The following HFE variants were observed in gnomAD, a reference collection of about 807,000 sequenced individuals.
The protein encoded by HFE is hereditary hemochromatosis protein.
Under a neutral mutation model 40.9 loss-of-function variants are expected in HFE, and 36 were observed. The observed-to-expected ratio is 0.88, with a 90% CI of 0.67 to 1.16. The LOEUF is 1.16. HFE is among the 50% of genes most tolerant of loss of function. The pLI, the probability that HFE is intolerant of heterozygous loss-of-function variation, is 0.00. For missense variants in HFE, 376 were observed against 432.0 expected (o/e 0.87, Z 1.15); for synonymous variants, 157 against 165.4 (o/e 0.95, Z 0.39).
At chr6:26,091,146 C>A (rs1407655186) in intron 2 of HFE, 42 bp downstream of exon 2, 2 of 1,611,022 alleles carry the variant, frequency 1.2e-6, no homozygotes, top group Non-Finnish European at 8.5e-7. Flanking sequence ...GTTGTCAGAG[C>A]TTTTCATCTT....
chr6:26,095,621 C>G lies in HFE; in HGVS notation c.*1395C>G, dbSNP rs1327978218. 1 of 152,150 alleles carries G rather than the reference C, an allele frequency of 6.6e-6. No homozygotes were observed. The highest frequency in any genetic ancestry group is 1.5e-5 in the Non-Finnish European group (1 of 68,026). 9.4% of individuals were successfully genotyped at this position (152,150 alleles called of 1,614,324 possible). ...ACCGTTTGATACATCTCAGACACCA[C>G]TACATTCAGTAGTTTAGATGCCTAG... On this transcript the variant is annotated 3_prime_UTR_variant, in exon 6 of 6. Transcript: ENST00000357618.
At position 26,091,312 on chromosome 6, in the gene HFE, A is replaced by C; in HGVS notation, c.341-2A>C. The stretch of plus-strand genomic sequence containing the variant: ...AGTTAACAAGGCTGGGGATTTTTCC[A>C]GAGTCCCACACCCTGCAGGTCATCC... On this transcript the variant is annotated splice_acceptor_variant, in intron 2 of 5. Coordinates refer to ENST00000357618, the MANE Select transcript of HFE (RefSeq NM_000410.4). LOFTEE classifies it high-confidence loss of function. The C allele has an allele frequency of 6.2e-7, 1 of 1,614,164 alleles. No homozygotes were observed. The highest frequency in any genetic ancestry group is 8.5e-7 in the Non-Finnish European group (1 of 1,180,026).
rs1762372684 is a variant in HFE at position 26,087,616 on chromosome 6, C to G, written c.76+100C>G. 7.1e-6 allele frequency: 7 copies of G among 987,384 alleles called. No homozygotes were observed. In the South Asian group the frequency reaches 8.8e-5, roughly 12 times the overall value. The allele number at this position is 987,384 out of a possible 1,614,324, so 61.2% of individuals were successfully genotyped here. A position where few individuals can be genotyped will look rare whatever the true frequency, so the allele number is the denominator to read the frequency against. On this transcript the variant is annotated intron_variant, in intron 1 of 5. Coordinates refer to ENST00000357618, the MANE Select transcript of HFE (RefSeq NM_000410.4). ...TTGGGAGTTTGCTAACTTTGGAGGA[C>G]CTGCTCAACCCTATCCGCAAGCCCC...
chr6:26,091,282 G>C (rs1482262506), intron 2 of HFE, 32 bp from the exon 3 acceptor site: 1 of 1,614,056 alleles, frequency 6.2e-7, no homozygotes, highest in Non-Finnish European at 8.5e-7. Context: ...TATTCCTTTG[G>C]TTGCAGTTAA....
rs776104762 is a variant in HFE, at chr6:26,092,632, C to T, written c.617-53C>T. ...AGAAGGAAGTGAAAGTTCCAGTCTTCCTGGCAAGGGTAAACAGATCCCCTC... is the reference window on the plus strand; with the variant it reads ...AGAAGGAAGTGAAAGTTCCAGTCTTTCTGGCAAGGGTAAACAGATCCCCTC... On this transcript the variant is annotated intron_variant, in intron 3 of 5. Coordinates refer to ENST00000357618, the MANE Select transcript of HFE (RefSeq NM_000410.4). 2.5e-6 allele frequency: 4 copies of T among 1,613,928 alleles called. No homozygotes were observed. The African/African-American group carries it at 4.0e-5, about 16-fold the overall frequency.
At position 26,096,566 on chromosome 6, in the gene HFE, C is replaced by T. The variant is rs1214228675; in HGVS notation, c.*2340C>T. The T allele has an allele frequency of 4.4e-6, 2 of 456,400 alleles. No homozygotes were observed. The highest frequency in any genetic ancestry group is 8.8e-6 in the Non-Finnish European group (2 of 226,800). The allele number at this position is 456,400 out of a possible 1,614,324, so 28.3% of individuals were successfully genotyped here. ...GTGCTTCAGGATACCATATACAGCTCAGAAGTTTCTTCTTTAGGCATTAAA... is the reference window on the plus strand; with the variant it reads ...GTGCTTCAGGATACCATATACAGCTTAGAAGTTTCTTCTTTAGGCATTAAA... On this transcript the variant is annotated 3_prime_UTR_variant, in exon 6 of 6. Coordinates refer to ENST00000357618, the MANE Select transcript of HFE (RefSeq NM_000410.4).
Position 26,092,795 on chromosome 6 carries a change from A to G in HFE, c.727A>G (p.Lys243Glu), listed in dbSNP as rs767897445. 9.3e-6 allele frequency: 15 copies of G among 1,614,032 alleles called. No individual in the cohort carries two copies. The highest frequency in any genetic ancestry group is 2.7e-5 in the African/African-American group (2 of 74,938). ...QNITMKWLKD[K>E]QPMDAKEFEP... ...CATCACCATGAAGTGGCTGAAGGAT[A>G]AGCAGCCAATGGATGCCAAGGAGTT... The change falls in exon 4 of 6, where the codon AAG becomes GAG. Residue 243 changes from lysine (K) to glutamate (E), a missense_variant. This residue lies in a region of HFE where 173 missense variants were observed against 186.9 expected (regional missense o/e 0.93). Coordinates refer to ENST00000357618, the MANE Select transcript of HFE (RefSeq NM_000410.4).
In HFE at chr6:26,090,739, A is replaced by C. The variant is rs570212174; in HGVS notation, c.77-102A>C. ...GCAACTCACCCTTCACAAAATGAGG[A>C]CCAGACACAGCTGATGGTATGAGTT... On this transcript the variant is annotated intron_variant, in intron 1 of 5. Transcript: ENST00000357618. The C allele has an allele frequency of 2.1e-4, 262 of 1,228,012 alleles. 6 individuals carry two copies. The South Asian group carries it at 3.1e-3, about 14-fold the overall frequency. 76.1% of individuals were successfully genotyped at this position (1,228,012 alleles called of 1,614,324 possible).
In HFE at chr6:26,091,501, C is replaced by T. The variant is rs779438836; in HGVS notation, c.528C>T (p.Ala176=). The change falls in exon 3 of 6, where the codon GCC becomes GCT. Residue 176 remains alanine, a synonymous_variant. Coordinates refer to ENST00000357618, the MANE Select transcript of HFE (RefSeq NM_000410.4). ...KLEWERHKIR[A]RQNRAYLERD... is the part of the protein sequence containing the mutation. ...AGTGGGAAAGGCACAAGATTCGGGCCAGGCAGAACAGGGCCTACCTGGAGA... is the reference window on the plus strand; with the variant it reads ...AGTGGGAAAGGCACAAGATTCGGGCTAGGCAGAACAGGGCCTACCTGGAGA... 6.2e-7 allele frequency: 1 copy of T among 1,614,008 alleles called. No individual in the cohort carries two copies. Among genetic ancestry groups the T allele is most frequent in the Non-Finnish European group, 8.5e-7 (1 of 1,180,018 alleles).
In HFE at chr6:26,092,809, T is replaced by C. The variant is rs1243157617; in HGVS notation, c.741T>C (p.Asp247=). ...MKWLKDKQPM[D]AKEFEPKDVL... ...GGCTGAAGGATAAGCAGCCAATGGA[T>C]GCCAAGGAGTTCGAACCTAAAGACG... Residue 247 remains aspartate, a synonymous_variant, in exon 4 of 6, where the codon GAT becomes GAC. Coordinates refer to ENST00000357618, the MANE Select transcript of HFE (RefSeq NM_000410.4). 1.2e-6 allele frequency: 2 copies of C among 1,614,210 alleles called. No individual in the cohort carries two copies. Among genetic ancestry groups the C allele is most frequent in the Admixed American group, 3.3e-5 (2 of 60,028 alleles).
intron 3 of HFE, 139 bp from the exon 4 acceptor site, chr6:26,092,546 A>C: frequency 1.3e-6 from 2 of 1,489,450 alleles, no homozygotes; most frequent in Non-Finnish European, 9.2e-7. Context: ...TAGGACACAA[A>C]ATGGTGTCTC....
Position 26,091,474 on chromosome 6 carries a change from G to A in HFE, c.501G>A (p.Leu167=). Residue 167 remains leucine (L), a synonymous_variant, in exon 3 of 6, where the codon CTG becomes CTA. Transcript: ENST00000357618. Reference sequence around the variant, plus strand: ...AACCCAGGGCCTGGCCCACCAAGCTGGAGTGGGAAAGGCACAAGATTCGGG... The same window carrying A: ...AACCCAGGGCCTGGCCCACCAAGCTAGAGTGGGAAAGGCACAAGATTCGGG... ...AAEPRAWPTK[L]EWERHKIRAR... The A allele has an allele frequency of 6.2e-7, 1 of 1,614,174 alleles. No individual in the cohort carries two copies. The highest frequency in any genetic ancestry group is 8.5e-7 in the Non-Finnish European group (1 of 1,180,030).
intron 1 of HFE, among the ~76,000 whole-genome samples, chr6:26,088,004 G>A (rs923084368): frequency 6.6e-6 from 1 of 152,200 alleles, no homozygotes; most frequent in African/African-American, 2.4e-5. Flanking sequence ...GAACGAATGC[G>A]TTGGGCGGTG....
At chr6:26,092,044 C>G (rs928241629) in intron 3 of HFE, among the ~76,000 whole-genome samples, 1 of 151,676 alleles carries the variant, frequency 6.6e-6, no homozygotes, top group Admixed American at 6.6e-5. Context: ...CACAGTCATG[C>G]GCACCTGTAG....
intron 1 of HFE, among the ~76,000 whole-genome samples, chr6:26,089,341 G>A (rs1185984698): frequency 6.6e-6 from 1 of 152,146 alleles, no homozygotes; most frequent in African/African-American, 2.4e-5. Flanking sequence ...CAAGAAGTAG[G>A]TAATGGGCTC....
At position 26,091,314 on chromosome 6, in the gene HFE, A is replaced by G. The variant is rs894796712; in HGVS notation, c.341A>G (p.Glu114Gly). ...TIMENHNHSKESHTLQVILGC... is the reference protein window; with the variant it reads ...TIMENHNHSKGSHTLQVILGC... ...TTAACAAGGCTGGGGATTTTTCCAGAGTCCCACACCCTGCAGGTCATCCTG... is the reference window on the plus strand; with the variant it reads ...TTAACAAGGCTGGGGATTTTTCCAGGGTCCCACACCCTGCAGGTCATCCTG... Residue 114 changes from glutamate to glycine, a missense_variant and splice_region_variant, in exon 3 of 6, where the codon GAG (glutamate) becomes GGG (glycine). Physicochemically the swap from Glu to Gly is moderately conservative, Grantham distance 98. Coordinates refer to ENST00000357618, the MANE Select transcript of HFE (RefSeq NM_000410.4). 6.2e-7 allele frequency: 1 copy of G among 1,614,186 alleles called. No homozygotes were observed. Among genetic ancestry groups the G allele is most frequent in the African/African-American group, 1.3e-5 (1 of 75,054 alleles).
chr6:26,091,596 T>C lies in HFE; in HGVS notation c.616+7T>C. Reference sequence around the variant, plus strand: ...GGTGTTTTGGACCAACAAGGTATGGTGGAAACACACTTCTGCCCCTATACT... The same window carrying C: ...GGTGTTTTGGACCAACAAGGTATGGCGGAAACACACTTCTGCCCCTATACT... On this transcript the variant is annotated splice_region_variant and intron_variant, in intron 3 of 5. Transcript: ENST00000357618. 6.2e-7 allele frequency: 1 copy of C among 1,612,298 alleles called. No homozygotes were observed. Among genetic ancestry groups the C allele is most frequent in the Non-Finnish European group, 8.5e-7 (1 of 1,179,786 alleles).
At chr6:26,090,456 A>AAAAAAAC (rs1762610037) in intron 1 of HFE, among the ~76,000 whole-genome samples, 3 of 150,576 alleles carry the variant, frequency 2.0e-5, no homozygotes, top group Admixed American at 1.3e-4. Context: ...AAAAAAAAAA[A>AAAAAAAC]AAAAAAAAAA....
In HFE at chr6:26,094,380, C is replaced by T; in HGVS notation, c.*154C>T. The T allele has an allele frequency of 1.3e-6, 1 of 760,376 alleles. No homozygotes were observed. Among genetic ancestry groups the T allele is most frequent in the Non-Finnish European group, 2.3e-6 (1 of 435,554 alleles). The allele number at this position is 760,376 out of a possible 1,614,324, so 47.1% of individuals were successfully genotyped here. A position where few individuals can be genotyped will look rare whatever the true frequency, so the allele number is the denominator to read the frequency against. Reference sequence around the variant, plus strand: ...TGATTTTAGCCTTCTCTGTTCATTTCCTCAAAAAGATTTCCCCATTTAGGT... The same window carrying T: ...TGATTTTAGCCTTCTCTGTTCATTTTCTCAAAAAGATTTCCCCATTTAGGT... On this transcript the variant is annotated 3_prime_UTR_variant, in exon 6 of 6. Transcript: ENST00000357618.
Sources: allele counts gnomAD v4.1 joint callset (sites outside exome capture counted in the v4.1 genomes callset), GRCh38; gene constraint gnomAD v4.1.1; regional missense constraint gnomAD v4.1.1; transcripts MANE v1.5; gene names NCBI Gene and HGNC (gene_info 2026-07-23, HGNC 2026-07-21).